DCAF5: variants seen among roughly 807,000 people sequenced by gnomAD.
The protein encoded by DCAF5 is DDB1 and CUL4 associated factor 5, also known as DDB1- and CUL4-associated factor 5.
A neutral mutation model predicts 80.7 loss-of-function variants in DCAF5; 9 were observed. The ratio of observed to expected loss-of-function variants is 0.11; its 90% CI spans 0.07 to 0.19. DCAF5 has a LOEUF of 0.19. Among genes scored for constraint, DCAF5 ranks in the 10% least tolerant of loss-of-function variants. DCAF5 has a pLI of 1.00. For missense variants in DCAF5, 842 were observed against 1,205.7 expected (o/e 0.70, Z 4.47); for synonymous variants, 433 against 461.9 (o/e 0.94, Z 0.80).
intron 6 of DCAF5, among the ~76,000 whole-genome samples, chr14:69,089,051 A>C (rs1289418508): frequency 2.0e-5 from 3 of 152,170 alleles, no homozygotes; most frequent in Admixed American, 2.0e-4. Context: ...TATTTAATTC[A>C]TCCTCCTAAT....
intron 5 of DCAF5, among the ~76,000 whole-genome samples, chr14:69,098,580 G>C (rs982727560): frequency 6.6e-6 from 1 of 151,992 alleles, no homozygotes; most frequent in South Asian, 2.1e-4. Flanking sequence ...ATCATAAGCA[G>C]CAGTTTTAAA....
At position 69,150,458 on chromosome 14, in the gene DCAF5, T is replaced by C. The variant is rs576206952; in HGVS notation, c.214+2307A>G. Among the ~76,000 whole-genome samples the C allele has an allele frequency of 3.3e-5, 5 of 152,318 alleles. No individual in the cohort carries two copies. The East Asian group carries it at 9.6e-4, about 29-fold the overall frequency. On this transcript the variant is annotated intron_variant, in intron 1 of 8. Transcript: ENST00000341516. ...AAGACTAGAGAAAATAGAGTTCATTTAAGATACAGGGGAGCGTCCTGCCCA... is the reference window on the plus strand; with the variant it reads ...AAGACTAGAGAAAATAGAGTTCATTCAAGATACAGGGGAGCGTCCTGCCCA...
chr14:69,053,634 AT>A lies in DCAF5; in HGVS notation c.*222del, dbSNP rs1016004277. On this transcript the variant is annotated 3_prime_UTR_variant, in exon 9 of 9. Transcript: ENST00000341516. ...TCACTAGAAAGGAGTCACTTGGGTT[AT>A]TTTTTTTTCCCCTTTCTTAACACAG... The A allele has an allele frequency of 3.5e-4, 167 of 477,688 alleles. No homozygotes were observed. Among genetic ancestry groups the A allele is most frequent in the Middle Eastern group, 5.1e-4 (1 of 1,946 alleles). 29.6% of individuals were successfully genotyped at this position (477,688 alleles called of 1,614,324 possible). A position where few individuals can be genotyped will look rare whatever the true frequency, so the allele number is the denominator to read the frequency against.
rs2040622073 is a variant in DCAF5 at position 69,118,975 on chromosome 14, C to T, written c.395+219G>A. Reference sequence around the variant, plus strand: ...GTTTTAAATTTTCACCTAAAAAGTACACTCTCATACCAACTTTCAAAACTT... The same window carrying T: ...GTTTTAAATTTTCACCTAAAAAGTATACTCTCATACCAACTTTCAAAACTT... On this transcript the variant is annotated intron_variant, in intron 3 of 8. Transcript: ENST00000341516. This position sits in a 1 kb window ranked among gnomAD's most constrained non-coding sequence, Gnocchi z 4.0. 3 of 517,596 alleles carry T rather than the reference C, an allele frequency of 5.8e-6. No individual in the cohort carries two copies. The highest frequency in any genetic ancestry group is 6.2e-5 in the East Asian group (2 of 32,324). The allele number at this position is 517,596 out of a possible 1,614,324, so 32.1% of individuals were successfully genotyped here. A position where few individuals can be genotyped will look rare whatever the true frequency, so the allele number is the denominator to read the frequency against.
At chr14:69,098,871 C>G (rs533949087) in intron 5 of DCAF5, among the ~76,000 whole-genome samples, 1 of 134,076 alleles carries the variant, frequency 7.5e-6, no homozygotes, top group East Asian at 2.1e-4. Context: ...CCAGCCTGGC[C>G]GACTGAGCGA....
In DCAF5 at chr14:69,121,455, C is replaced by T. The variant is rs559380097; in HGVS notation, c.358+762G>A. 1.4e-3 allele frequency among the ~76,000 whole-genome samples: 215 copies of T among 152,250 alleles called. 5 individuals carry two copies. In the South Asian group the frequency reaches 0.028, roughly 20 times the overall value. The stretch of plus-strand genomic sequence containing the variant: ...AGGTAGAATGAACCATGTGAAACTG[C>T]TACTTTTTAAAGTTGAAAATGGTTA... On this transcript the variant is annotated intron_variant, in intron 2 of 8. Coordinates refer to ENST00000341516, the MANE Select transcript of DCAF5 (RefSeq NM_003861.3).
chr14:69,115,867 T>G (rs1254020722), intron 5 of DCAF5, among the ~76,000 whole-genome samples: 1 of 152,186 alleles, frequency 6.6e-6, no homozygotes, highest in East Asian at 1.9e-4. Context: ...AAACAGAAAA[T>G]GCACTTATTT....
Position 69,118,025 on chromosome 14 carries a change from C to T in DCAF5, c.535+114G>A, listed in dbSNP as rs2040593432. On this transcript the variant is annotated intron_variant, in intron 4 of 8. Coordinates refer to ENST00000341516, the MANE Select transcript of DCAF5 (RefSeq NM_003861.3). The surrounding 1 kb of genome is among the most constrained non-coding windows in gnomAD (Gnocchi z 4.0). ...GCCCCCATGTGAGTGTTTCACATTT[C>T]CTTTCCCTTGACATCACTTGCACAT... The T allele has an allele frequency of 7.0e-7, 1 of 1,431,848 alleles. No individual in the cohort carries two copies. The allele number at this position is 1,431,848 out of a possible 1,614,324, so 88.7% of individuals were successfully genotyped here.
Position 69,075,399 on chromosome 14 carries a change from C to A in DCAF5, c.892G>T (p.Gly298Cys). ...AGDRDQYILS[G>C]SDDFNLYMWR... ...ATGTACAGGTTGAAGTCATCAGAGCCCGAAAGGATATACTGTTGGAACAAA... is the reference window on the plus strand; with the variant it reads ...ATGTACAGGTTGAAGTCATCAGAGCACGAAAGGATATACTGTTGGAACAAA... The change falls in exon 7 of 9, where the codon GGC becomes TGC. Residue 298 changes from glycine to cysteine, a missense_variant. Physicochemically the swap from Gly to Cys is radical, Grantham distance 159 (BLOSUM62 -3). Around this residue, in one of 5 missense-constraint regions of DCAF5, gnomAD observed 65 missense variants for 191.3 expected, o/e 0.34. Coordinates refer to ENST00000341516, the MANE Select transcript of DCAF5 (RefSeq NM_003861.3). The A allele has an allele frequency of 6.3e-7, 1 of 1,596,900 alleles. No homozygotes were observed. Among genetic ancestry groups the A allele is most frequent in the Non-Finnish European group, 8.6e-7 (1 of 1,169,028 alleles).
At chr14:69,100,055 T>G (rs2097553522) in intron 5 of DCAF5, among the ~76,000 whole-genome samples, 1 of 152,186 alleles carries the variant, frequency 6.6e-6, no homozygotes, top group African/African-American at 2.4e-5. Context: ...AAGTGACCAG[T>G]GAATTCAGCA....
chr14:69,051,811 T>A lies in DCAF5; in HGVS notation c.*2046A>T, dbSNP rs901759256. On this transcript the variant is annotated 3_prime_UTR_variant, in exon 9 of 9. Transcript: ENST00000341516. ...GAATAGAATAAAATAAAGGACTGGG[T>A]GTGCTGACTAAGAAGGGGAAGAGAA... is the stretch of plus-strand genomic sequence containing the variant. The A allele has an allele frequency of 7.2e-5, 11 of 152,616 alleles. No homozygotes were observed. The highest frequency in any genetic ancestry group is 2.7e-4 in the African/African-American group (11 of 41,442). 9.5% of individuals were successfully genotyped at this position (152,616 alleles called of 1,614,324 possible).
rs770637638 is a variant in DCAF5, at chr14:69,118,637, G to C, written c.396-359C>G. 5.9e-5 allele frequency among the ~76,000 whole-genome samples: 9 copies of C among 152,206 alleles called. No homozygotes were observed. Among genetic ancestry groups the C allele is most frequent in the Non-Finnish European group, 1.2e-4 (8 of 68,042 alleles). On this transcript the variant is annotated intron_variant, in intron 3 of 8. Coordinates refer to ENST00000341516, the MANE Select transcript of DCAF5 (RefSeq NM_003861.3). This position sits in a 1 kb window ranked among gnomAD's most constrained non-coding sequence, Gnocchi z 4.0. Reference sequence around the variant, plus strand: ...CAAGGGAAAGCTTTAAAGCAGCCAAGTCTGATGCCTACAGGATGGGAGAGG... The same window carrying C: ...CAAGGGAAAGCTTTAAAGCAGCCAACTCTGATGCCTACAGGATGGGAGAGG...
At chr14:69,085,444 CCCTT>C in intron 6 of DCAF5, 1 of 436,382 alleles carries the variant, frequency 2.3e-6, no homozygotes, top group Admixed American at 3.7e-5. Context: ...TTCTTTTCCT[CCCTT>C]GATTTAACAG....
At chr14:69,091,039 A>T in intron 6 of DCAF5, 1 of 728,954 alleles carries the variant, frequency 1.4e-6, no homozygotes, top group Non-Finnish European at 2.5e-6. Context: ...AAGGTGCAAG[A>T]AGGCCAAGTA....
intron 7 of DCAF5, among the ~76,000 whole-genome samples, chr14:69,073,430 G>C (rs1271807875): frequency 6.6e-6 from 1 of 152,150 alleles, no homozygotes; most frequent in Non-Finnish European, 1.5e-5. Context: ...AAGCCACCCA[G>C]TCTGTGATAC....
chr14:69,120,746 C>A (rs1259502559), intron 2 of DCAF5, among the ~76,000 whole-genome samples: 4 of 152,152 alleles, frequency 2.6e-5, no homozygotes, highest in African/African-American at 9.7e-5. Context: ...ATACTAATGC[C>A]TTCTAGGTAT....
chr14:69,077,316 C>T (rs989288212), intron 6 of DCAF5, among the ~76,000 whole-genome samples: 5 of 152,300 alleles, frequency 3.3e-5, no homozygotes, highest in Middle Eastern at 3.4e-3. Context: ...GATCCTCCTG[C>T]TTCAGCCTCC....
chr14:69,131,475 T>C (rs2041037592), intron 1 of DCAF5, among the ~76,000 whole-genome samples: 1 of 152,142 alleles, frequency 6.6e-6, no homozygotes, highest in Non-Finnish European at 1.5e-5. Context: ...AATAAGTCTG[T>C]TTTGTTATTT....
intron 1 of DCAF5, among the ~76,000 whole-genome samples, chr14:69,134,956 A>C (rs973870043): frequency 6.6e-6 from 1 of 152,204 alleles, no homozygotes; most frequent in Non-Finnish European, 1.5e-5. Flanking sequence ...TTTTATTCTA[A>C]GGGAAAATAT....
Sources: allele counts gnomAD v4.1 joint callset (sites outside exome capture counted in the v4.1 genomes callset), GRCh38; gene constraint gnomAD v4.1.1; regional missense constraint gnomAD v4.1.1; non-coding constraint Gnocchi (gnomAD v3.1); transcripts MANE v1.5; gene names NCBI Gene and HGNC (gene_info 2026-07-23, HGNC 2026-07-21).